RANBP2: variants seen among roughly 807,000 people sequenced by gnomAD.
RANBP2 encodes the protein E3 SUMO-protein ligase RanBP2.
Under a neutral mutation model 303.6 loss-of-function variants are expected in RANBP2, and 57 were observed. That is an observed-to-expected ratio of 0.19 (90% CI 0.15 to 0.23). RANBP2 has a LOEUF of 0.23. RANBP2 is among the 10% of genes least tolerant of loss of function. RANBP2 has a pLI of 1.00. For synonymous variants in RANBP2, 1,167 were observed against 1,301.5 expected (o/e 0.90, Z 2.23); for missense variants, 3,138 against 3,780.8 (o/e 0.83, Z 4.46).
In RANBP2 at chr2:108,771,777, T is replaced by C. The variant is rs1302194244; in HGVS notation, c.7926T>C (p.Ala2642=). The stretch of plus-strand genomic sequence containing the variant: ...TTGTATATGAACTAACTCCAACCGC[T>C]GAGCAGAAAGCCCTTGCAACCAAAC... The part of the protein sequence containing the change: ...VLIVYELTPT[A]EQKALATKLK... The change falls in exon 21 of 29, where the codon GCT becomes GCC. Residue 2642 remains alanine, a synonymous_variant. Coordinates refer to ENST00000283195, the MANE Select transcript of RANBP2 (RefSeq NM_006267.5). 1.2e-6 allele frequency: 2 copies of C among 1,614,072 alleles called. No homozygotes were observed. Among genetic ancestry groups the C allele is most frequent in the South Asian group, 2.2e-5 (2 of 91,082 alleles).
chr2:109,590,056 G>A, the RANBP2 span, among the ~76,000 whole-genome samples: 140 of 145,008 alleles, frequency 9.7e-4, no homozygotes, highest in African/African-American at 3.5e-3. Flanking sequence ...ATATGTGTGT[G>A]TATATATATA....
the RANBP2 span, among the ~76,000 whole-genome samples, chr2:109,012,830 C>T: frequency 2.0e-5 from 3 of 152,164 alleles, no homozygotes; most frequent in East Asian, 1.9e-4. Flanking sequence ...AGGAGAATGG[C>T]GTGGACCTGG....
chr2:109,417,631 G>T, the RANBP2 span, among the ~76,000 whole-genome samples: 2 of 152,152 alleles, frequency 1.3e-5, no homozygotes, highest in Non-Finnish European at 2.9e-5. Flanking sequence ...CACAGTGTCT[G>T]CATTGCAATG....
the RANBP2 span, among the ~76,000 whole-genome samples, chr2:109,719,017 A>AC: frequency 5.4e-5 from 7 of 130,014 alleles, no homozygotes; most frequent in Non-Finnish European, 1.2e-4. Context: ...TAAAAAAAAA[A>AC]AAAAAAAAAA....
the RANBP2 span, among the ~76,000 whole-genome samples, chr2:109,263,886 G>T: frequency 4.6e-5 from 7 of 152,254 alleles, no homozygotes; most frequent in South Asian, 1.5e-3. Context: ...GGAGAATGGT[G>T]TGAACCCAGG....
At chr2:109,766,111 C>T in the RANBP2 span, among the ~76,000 whole-genome samples, 1 of 150,534 alleles carries the variant, frequency 6.6e-6, no homozygotes, top group Non-Finnish European at 1.5e-5. Flanking sequence ...TGTACTCACA[C>T]TGGCCGAAGG....
At chr2:109,129,073 CGCGGGGGCGGT>C in the RANBP2 span, 1 of 380,384 alleles carries the variant, frequency 2.6e-6, no homozygotes, top group Non-Finnish European at 5.1e-6. Context: ...ATGGAGGTGC[CGCGGGGGCGGT>C]GCGGCTCGCC....
chr2:109,499,940 T>G, the RANBP2 span, among the ~76,000 whole-genome samples: 1 of 151,730 alleles, frequency 6.6e-6, no homozygotes, highest in Non-Finnish European at 1.5e-5. Context: ...CAAGAGAGAA[T>G]GAGGGAGCAG....
chr2:109,241,648 G>A, the RANBP2 span, among the ~76,000 whole-genome samples: 9 of 152,188 alleles, frequency 5.9e-5, no homozygotes, highest in South Asian at 2.1e-4. Context: ...CTGTCTCCCC[G>A]CCTCGCCATG....
chr2:108,866,242 G>C, the RANBP2 span, among the ~76,000 whole-genome samples: 1 of 152,166 alleles, frequency 6.6e-6, no homozygotes, highest in Non-Finnish European at 1.5e-5. Flanking sequence ...CATCCCTTCT[G>C]CCTCCCTTTT....
chr2:109,313,310 G>A, the RANBP2 span, among the ~76,000 whole-genome samples: 1 of 152,234 alleles, frequency 6.6e-6, no homozygotes, highest in Non-Finnish European at 1.5e-5. Context: ...CCCAAGGGGG[G>A]AGGCTGGCAT....
chr2:109,571,999 A>G, the RANBP2 span, among the ~76,000 whole-genome samples: 1 of 152,242 alleles, frequency 6.6e-6, no homozygotes, highest in South Asian at 2.1e-4. Context: ...TTAATTTTTA[A>G]ATAAGTTTTA....
At chr2:109,614,005 G>A in the RANBP2 span, 2 of 1,187,612 alleles carry the variant, frequency 1.7e-6, no homozygotes, top group East Asian at 3.6e-5. Flanking sequence ...CGGGGGCGGG[G>A]TTGGGGCGGA....
At chr2:109,074,884 G>A in the RANBP2 span, among the ~76,000 whole-genome samples, 1 of 148,730 alleles carries the variant, frequency 6.7e-6, no homozygotes. Context: ...AGCTGGGCAT[G>A]GTGGTGGGCA....
At chr2:109,297,061 C>T in the RANBP2 span, among the ~76,000 whole-genome samples, 1 of 151,986 alleles carries the variant, frequency 6.6e-6, no homozygotes, top group Non-Finnish European at 1.5e-5. Flanking sequence ...GCCAACTAGA[C>T]TGCAGCTGTT....
chr2:109,111,977 G>A, the RANBP2 span, among the ~76,000 whole-genome samples: 8 of 152,082 alleles, frequency 5.3e-5, no homozygotes, highest in South Asian at 1.7e-3. Context: ...ATCTTTTATG[G>A]CTGCATAGTA....
At chr2:109,233,632 T>C in the RANBP2 span, among the ~76,000 whole-genome samples, 1 of 152,252 alleles carries the variant, frequency 6.6e-6, no homozygotes, top group African/African-American at 2.4e-5. Context: ...ACCACCCTCT[T>C]CTACCCAGTA....
chr2:109,639,595 G>T, the RANBP2 span, among the ~76,000 whole-genome samples: 1 of 151,404 alleles, frequency 6.6e-6, no homozygotes, highest in African/African-American at 2.4e-5. Context: ...CTCCAGCCTG[G>T]CAACAGAGTG....
chr2:109,589,446 C>T, the RANBP2 span, among the ~76,000 whole-genome samples: 3 of 152,026 alleles, frequency 2.0e-5, no homozygotes, highest in South Asian at 2.1e-4. Context: ...GCATGAGAAC[C>T]GCTTGAACCT....
Sources: gnomAD v4.1 joint callset for allele counts (sites outside exome capture counted in the v4.1 genomes callset) on GRCh38, gnomAD v4.1.1 for gene constraint, MANE v1.5 for transcripts, NCBI Gene and HGNC (gene_info 2026-07-23, HGNC 2026-07-21) for gene names.